Variants in BBS2 observed in about 807,000 individuals in gnomAD.
The protein encoded by BBS2 is Bardet-Biedl syndrome 2, also known as BBSome complex member BBS2.
In BBS2, 62 loss-of-function variants were observed where a neutral mutation model predicts 83.0. That is an observed-to-expected ratio of 0.75 (90% confidence interval 0.61 to 0.92). The LOEUF (loss-of-function observed/expected upper bound fraction) is 0.92, where lower values mean the gene tolerates loss of function less well. BBS2 is among the 40% of genes least tolerant of loss of function. The pLI, the probability that BBS2 is intolerant of heterozygous loss-of-function variation, is 0.00. For missense variants in BBS2, 784 were observed against 901.0 expected, an observed-to-expected ratio of 0.87 and a Z score of 1.66; for synonymous variants, 303 against 326.1, an observed-to-expected ratio of 0.93 and a Z score of 0.76.
chr16:56,473,570 G>A (rs1189767903), intron 17 of BBS2, among the ~76,000 whole-genome samples: 1 of 152,142 alleles, frequency 6.6e-6, no homozygotes, highest in African/African-American at 2.4e-5. Flanking sequence ...CATTGTACAT[G>A]ATGATGTTTT....
At chr16:56,481,039 G>A (rs541444675), downstream of BBS2, among the ~76,000 whole-genome samples, 65 of 152,228 alleles carry the variant, frequency 4.3e-4, no homozygotes, top group Admixed American at 8.5e-4. Flanking sequence ...GTGTCTTACT[G>A]TACTTGAGTT....
rs797045155 is a variant in BBS2 at position 56,519,765 on chromosome 16, G to T, written c.98C>A (p.Ala33Asp). Residue 33 changes from alanine (A) to aspartate (D), a missense_variant, in exon 1 of 17, where the codon GCC becomes GAC. Transcript: ENST00000245157. ...GGTTACCTTGCCCGTTTGGGTGGCG[G>T]CCGCCAGGCACGGGTGAGTCCCGTC... is the stretch of plus-strand genomic sequence containing the variant. ...RYDGTHPCLA[A>D]ATQTGKVFIH... 3.1e-6 allele frequency: 5 copies of T among 1,613,096 alleles called. No individual in the cohort carries two copies. The highest frequency in any genetic ancestry group is 1.7e-5 in the Admixed American group (1 of 59,970).
At chr16:56,512,289 T>A (rs1170394284) in intron 2 of BBS2, among the ~76,000 whole-genome samples, 2 of 152,222 alleles carry the variant, frequency 1.3e-5, no homozygotes, top group African/African-American at 2.4e-5. Context: ...AGTTTCACAG[T>A]GTCATAAAGT....
intron 11 of BBS2, chr16:56,500,148 A>G (rs1400693721): frequency 1.7e-5 from 8 of 461,652 alleles, no homozygotes; most frequent in African/African-American, 1.6e-4. Context: ...AATATCATAA[A>G]GGGGATGTAA....
At position 56,514,490 on chromosome 16, in the gene BBS2, T is replaced by C; in HGVS notation, c.308A>G (p.Tyr103Cys). ...LVGTQTNLLA[Y>C]DVYNNSDLFY... ...CAAATCCGAATTATTGTAGACATCA[T>C]AAGCCAAAAGATTAGTCTGTGTCCC... The change falls in exon 2 of 17, where the codon TAT becomes TGT. Residue 103 changes from tyrosine (Y) to cysteine (C), a missense_variant. Physicochemically the swap from Tyr to Cys is radical, Grantham distance 194 (BLOSUM62 -2). Transcript: ENST00000245157. 1 of 1,614,194 alleles carries C rather than the reference T, an allele frequency of 6.2e-7. No individual in the cohort carries two copies. Among genetic ancestry groups the C allele is most frequent in the Middle Eastern group, 1.6e-4 (1 of 6,062 alleles).
At position 56,505,434 on chromosome 16, in the gene BBS2, T is replaced by C. The variant is rs191296354; in HGVS notation, c.804+516A>G. On this transcript the variant is annotated intron_variant, in intron 7 of 16. Coordinates refer to ENST00000245157, the MANE Select transcript of BBS2 (RefSeq NM_031885.5). ...GAGATCTGGCAGCTACCTAGGCAGC[T>C]TCTAAGAAGACAATCCTGACTTGCC... Among the ~76,000 whole-genome samples, 451 of 152,350 alleles carry C rather than the reference T, an allele frequency of 3.0e-3. 2 individuals are homozygous for C. The highest frequency in any genetic ancestry group is 0.01 in the African/African-American group (432 of 41,586).
chr16:56,498,341 C>T, intron 13 of BBS2, 96 bp downstream of exon 13: 1 of 1,486,882 alleles, frequency 6.7e-7, no homozygotes, highest in Non-Finnish European at 9.3e-7. Flanking sequence ...TGGTAAACAC[C>T]ACATGAGAAA....
intron 7 of BBS2, among the ~76,000 whole-genome samples, chr16:56,504,876 T>C (rs551731661): frequency 9.2e-5 from 14 of 152,324 alleles, no homozygotes; most frequent in South Asian, 4.1e-4. Context: ...TATTGGCAAG[T>C]AGAGCTTGTG....
At chr16:56,507,089 C>A (rs1386001573) in intron 5 of BBS2, among the ~76,000 whole-genome samples, 1 of 152,166 alleles carries the variant, frequency 6.6e-6, no homozygotes, top group African/African-American at 2.4e-5. Context: ...TGTAGGATTC[C>A]AGAATTATTT....
rs1963752588 is a variant in BBS2, at chr16:56,485,581, G to C, written c.2059+9C>G. On this transcript the variant is annotated intron_variant, in intron 16 of 16. Transcript: ENST00000245157. ...AGATCAAAGTGCAGTGTTATGAAAA[G>C]AGACTTACCCCGCAGACGACCTGCT... 2 of 1,614,036 alleles carry C rather than the reference G, an allele frequency of 1.2e-6. No individual in the cohort carries two copies. The highest frequency in any genetic ancestry group is 1.7e-6 in the Non-Finnish European group (2 of 1,179,944).
chr16:56,489,661 A>G (rs999777748), intron 15 of BBS2, among the ~76,000 whole-genome samples: 1 of 151,664 alleles, frequency 6.6e-6, no homozygotes. Flanking sequence ...TTAGCTGGGC[A>G]TGGTGGCGCA....
At position 56,500,017 on chromosome 16, in the gene BBS2, G is replaced by A. The variant is rs533475697; in HGVS notation, c.1398-110C>T. 7.3e-4 allele frequency: 1,011 copies of A among 1,375,530 alleles called. 14 individuals are homozygous for A. Among genetic ancestry groups the A allele is most frequent in the Non-Finnish European group, 1.3e-4 (123 of 970,540 alleles). 85.2% of individuals were successfully genotyped at this position (1,375,530 alleles called of 1,614,324 possible). A position where few individuals can be genotyped will look rare whatever the true frequency, so the allele number is the denominator to read the frequency against. ...CTGGGTCATCAATTGATATTTAAGGGTTTCACTTAAGAAGGAACCCCCAAA... is the reference window on the plus strand; with the variant it reads ...CTGGGTCATCAATTGATATTTAAGGATTTCACTTAAGAAGGAACCCCCAAA... On this transcript the variant is annotated intron_variant, in intron 11 of 16. Transcript: ENST00000245157.
At chr16:56,475,743 CAGTA>C (rs1240902949) in intron 17 of BBS2, among the ~76,000 whole-genome samples, 3 of 152,212 alleles carry the variant, frequency 2.0e-5, no homozygotes, top group African/African-American at 7.2e-5. Flanking sequence ...AAAGGATACT[CAGTA>C]AGCATTTATT....
chr16:56,499,667 A>G (rs1309421304), intron 12 of BBS2, 111 bp downstream of exon 12: 7 of 1,462,152 alleles, frequency 4.8e-6, no homozygotes, highest in Non-Finnish European at 4.8e-6. Flanking sequence ...CTTTCATATC[A>G]TATTTACTGC....
intron 5 of BBS2, among the ~76,000 whole-genome samples, chr16:56,509,117 C>T (rs1283763558): frequency 1.3e-5 from 2 of 152,234 alleles, no homozygotes; most frequent in African/African-American, 4.8e-5. Context: ...TTATGCACTT[C>T]AGCCCTACTG....
intron 14 of BBS2, chr16:56,497,495 T>C (rs1216780508): frequency 1.8e-6 from 1 of 556,786 alleles, no homozygotes; most frequent in Non-Finnish European, 3.2e-6. Flanking sequence ...CAAAGGAAAA[T>C]GTTAATATTT....
intron 15 of BBS2, among the ~76,000 whole-genome samples, chr16:56,491,119 G>A (rs118024138): frequency 0.018 from 2,751 of 152,168 alleles, 31 homozygotes; most frequent in Non-Finnish European, 0.028. Context: ...GACAAACTCC[G>A]GAAAACATAT....
intron 17 of BBS2, chr16:56,475,542 A>C (rs1174686415): frequency 8.7e-6 from 14 of 1,614,028 alleles, no homozygotes; most frequent in Non-Finnish European, 1.1e-5. Context: ...TACTTCTTAC[A>C]TTGCCAAAGG....
intron 5 of BBS2, chr16:56,509,252 A>G (rs931331384): frequency 1.3e-5 from 2 of 152,790 alleles, no homozygotes; most frequent in African/African-American, 4.8e-5. Flanking sequence ...CTGTAATCCC[A>G]ACACTTTGGG....
Sources: allele counts gnomAD v4.1 joint callset (sites outside exome capture counted in the v4.1 genomes callset), GRCh38; gene constraint gnomAD v4.1.1; transcripts MANE v1.5; gene names NCBI Gene and HGNC (gene_info 2026-07-23, HGNC 2026-07-21).